Variants in GLT8D2 observed in about 807,000 individuals in gnomAD.
The protein encoded by GLT8D2 is glycosyltransferase 8 domain-containing protein 2.
Under a neutral mutation model 44.5 loss-of-function variants are expected in GLT8D2, and 45 were observed. That is an observed-to-expected ratio of 1.01 (90% CI 0.80 to 1.30). The LOEUF is 1.30. Ranked by LOEUF, GLT8D2 falls within the 50% of genes most tolerant of loss-of-function variation. The pLI is 0.00. For synonymous variants in GLT8D2, 156 were observed against 157.2 expected (o/e 0.99, Z 0.06); for missense variants, 400 against 430.4 (o/e 0.93, Z 0.62).
At chr12:104,041,211 C>T (rs749344396) in intron 1 of GLT8D2, among the ~76,000 whole-genome samples, 2 of 152,046 alleles carry the variant, frequency 1.3e-5, no homozygotes, top group Non-Finnish European at 2.9e-5. Context: ...GTCAGGAGTT[C>T]GAGACCAGCC....
intron 1 of GLT8D2, among the ~76,000 whole-genome samples, chr12:104,036,594 T>C (rs553934144): frequency 6.6e-6 from 1 of 152,300 alleles, no homozygotes; most frequent in Non-Finnish European, 1.5e-5. Flanking sequence ...AAGGGATCAA[T>C]TCAACAAGAA....
At chr12:104,045,937 A>AAGAAAGAAAGAAAGAAAGAG (rs68019401) in intron 1 of GLT8D2, among the ~76,000 whole-genome samples, 26 of 113,638 alleles carry the variant, frequency 2.3e-4, no homozygotes, top group East Asian at 1.8e-3. Context: ...GAAAGAAAGA[A>AAGAAAGAAAGAAAGAAAGAG]AAAGAAAGAA....
At chr12:104,047,672 C>G (rs1370612873) in intron 1 of GLT8D2, among the ~76,000 whole-genome samples, 2 of 152,178 alleles carry the variant, frequency 1.3e-5, no homozygotes, top group African/African-American at 2.4e-5. Flanking sequence ...ACCCAACCAC[C>G]TCCCAAAAGG....
At chr12:104,040,863 AT>A (rs1398810407) in intron 1 of GLT8D2, among the ~76,000 whole-genome samples, 1 of 152,226 alleles carries the variant, frequency 6.6e-6, no homozygotes, top group African/African-American at 2.4e-5. Context: ...GAATGTGAGA[AT>A]AAATAAATTT....
At chr12:104,012,636 CT>C (rs1876019939) in intron 4 of GLT8D2, 3 of 466,672 alleles carry the variant, frequency 6.4e-6, no homozygotes, top group Admixed American at 8.4e-5. Flanking sequence ...TTCCTTCTCT[CT>C]CTCTCTCTTT....
At chr12:104,007,265 T>TCTCTCTCTCTCTCTCC (rs377119502) in intron 4 of GLT8D2, among the ~76,000 whole-genome samples, 11 of 136,374 alleles carry the variant, frequency 8.1e-5, no homozygotes, top group Non-Finnish European at 1.3e-4. Context: ...TCTCTCTCTC[T>TCTCTCTCTCTCTCTCC]CCCCCCGCTC....
At chr12:103,992,930 A>G (rs1384849638) in intron 10 of GLT8D2, among the ~76,000 whole-genome samples, 1 of 152,230 alleles carries the variant, frequency 6.6e-6, no homozygotes, top group Non-Finnish European at 1.5e-5. Flanking sequence ...GAATCTGAGC[A>G]CTGAGGGTCA....
At chr12:104,060,441 T>C (rs913060992) in intron 1 of GLT8D2, among the ~76,000 whole-genome samples, 13 of 152,218 alleles carry the variant, frequency 8.5e-5, no homozygotes, top group African/African-American at 3.1e-4. Flanking sequence ...TACTAAAACA[T>C]CTTTCCCATT....
chr12:104,002,235 A>G (rs1874315495), intron 5 of GLT8D2, among the ~76,000 whole-genome samples: 1 of 152,214 alleles, frequency 6.6e-6, no homozygotes, highest in African/African-American at 2.4e-5. Context: ...TTGGAAATAT[A>G]GGAGTGAGCC....
At chr12:104,012,793 T>C (rs1439167022) in intron 4 of GLT8D2, 2 of 697,808 alleles carry the variant, frequency 2.9e-6, no homozygotes, top group East Asian at 5.4e-5. Context: ...AATGAAGCCA[T>C]TTGGTAGGCC....
chr12:104,029,067 G>A lies in GLT8D2; in HGVS notation c.-163-7576C>T, dbSNP rs1008217498. On this transcript the variant is annotated intron_variant, in intron 1 of 10. Coordinates refer to ENST00000360814, the MANE Select transcript of GLT8D2 (RefSeq NM_001384711.1). ...AGCACTTTGGGAGGCTGAGGCAGGT[G>A]GATCATGAGGTCAAGAGATCGAGAC... is the stretch of plus-strand genomic sequence containing the variant. Among the ~76,000 whole-genome samples, 6 of 152,298 alleles carry A rather than the reference G, an allele frequency of 3.9e-5. No homozygotes were observed. The East Asian group carries it at 1.2e-3, about 29-fold the overall frequency.
chr12:104,040,786 C>T (rs987488387), intron 1 of GLT8D2, among the ~76,000 whole-genome samples: 1 of 152,110 alleles, frequency 6.6e-6, no homozygotes, highest in Non-Finnish European at 1.5e-5. Context: ...TATATAGGTA[C>T]TTTTAGCTTT....
At chr12:104,005,181 G>A (rs1346849044) in intron 4 of GLT8D2, among the ~76,000 whole-genome samples, 1 of 152,206 alleles carries the variant, frequency 6.6e-6, no homozygotes, top group Admixed American at 6.5e-5. Flanking sequence ...CTAGCCATAT[G>A]TAGAAAGCTA....
At chr12:103,991,542 G>A (rs1229452207) in intron 10 of GLT8D2, among the ~76,000 whole-genome samples, 1 of 152,098 alleles carries the variant, frequency 6.6e-6, no homozygotes, top group East Asian at 1.9e-4. Flanking sequence ...ATCATAAAAT[G>A]CCGTAACCTT....
At chr12:103,994,035 C>T (rs1392957363) in intron 9 of GLT8D2, 1 of 190,734 alleles carries the variant, frequency 5.2e-6, no homozygotes, top group African/African-American at 2.3e-5. Flanking sequence ...AGGGGAAACT[C>T]AACTAAGATA....
intron 1 of GLT8D2, among the ~76,000 whole-genome samples, chr12:104,027,408 A>C (rs1322605062): frequency 6.6e-6 from 1 of 152,240 alleles, no homozygotes; most frequent in Non-Finnish European, 1.5e-5. Context: ...GAACGGGGCA[A>C]AGACCAGAAG....
At chr12:104,005,665 A>T (rs1210926557) in intron 4 of GLT8D2, among the ~76,000 whole-genome samples, 1 of 152,244 alleles carries the variant, frequency 6.6e-6, no homozygotes, top group Non-Finnish European at 1.5e-5. Context: ...GAGAAATGCA[A>T]ATCAAAACCA....
chr12:104,039,732 G>C (rs1035740652), intron 1 of GLT8D2, among the ~76,000 whole-genome samples: 1 of 152,226 alleles, frequency 6.6e-6, no homozygotes, highest in African/African-American at 2.4e-5. Flanking sequence ...GTGGAAGACA[G>C]TGTGGTGATG....
At chr12:104,023,495 T>C (rs1252524872) in intron 1 of GLT8D2, among the ~76,000 whole-genome samples, 1 of 152,234 alleles carries the variant, frequency 6.6e-6, no homozygotes, top group Non-Finnish European at 1.5e-5. Context: ...TAAAGGAATA[T>C]TACCATGTCA....
Sources: allele counts gnomAD v4.1 joint callset (sites outside exome capture counted in the v4.1 genomes callset), GRCh38; gene constraint gnomAD v4.1.1; transcripts MANE v1.5; gene names NCBI Gene and HGNC (gene_info 2026-07-23, HGNC 2026-07-21).